The following ZSCAN5A variants were observed in gnomAD, a reference collection of about 807,000 sequenced individuals.
ZSCAN5A encodes the protein zinc finger and SCAN domain-containing protein 5A.
ZSCAN5A carries 12 observed loss-of-function variants against 23.7 expected under a neutral mutation model. That is an observed-to-expected ratio of 0.51 (90% CI 0.32 to 0.82). The LOEUF (loss-of-function observed/expected upper bound fraction) is 0.82. ZSCAN5A is among the 40% of genes least tolerant of loss of function. ZSCAN5A has a pLI of 0.03. For missense variants in ZSCAN5A, 597 were observed against 617.9 expected (o/e 0.97, Z 0.36); for synonymous variants, 257 against 239.9 (o/e 1.07, Z -0.66).
intron 2 of ZSCAN5A, chr19:56,246,807 T>C: frequency 1.9e-6 from 3 of 1,610,780 alleles, no homozygotes; most frequent in Non-Finnish European, 2.5e-6. Flanking sequence ...CTGACACACC[T>C]TCTGCCTGCG....
chr19:56,309,563 T>G (rs1380530683), intron 2 of ZSCAN5A, among the ~76,000 whole-genome samples: 3 of 152,192 alleles, frequency 2.0e-5, no homozygotes, highest in Non-Finnish European at 4.4e-5. Flanking sequence ...CCTGCTCACA[T>G]AGACTGTGAG....
At chr19:56,291,833 G>A (rs1330621672) in intron 2 of ZSCAN5A, among the ~76,000 whole-genome samples, 5 of 151,898 alleles carry the variant, frequency 3.3e-5, no homozygotes. Context: ...ATCCCTCCTC[G>A]AATCAGGCAT....
At chr19:56,321,741 T>G in intron 2 of ZSCAN5A, 1 of 1,322,568 alleles carries the variant, frequency 7.6e-7, no homozygotes, top group Non-Finnish European at 1.1e-6. Flanking sequence ...ACATAACTGC[T>G]TTTCAGGCAA....
intron 2 of ZSCAN5A, among the ~76,000 whole-genome samples, chr19:56,333,346 AT>A (rs901449502): frequency 5.9e-4 from 88 of 148,524 alleles, no homozygotes; most frequent in Middle Eastern, 3.5e-3. Context: ...CAAAGACTTT[AT>A]TTTTTTTTTA....
chr19:56,244,491 T>C, intron 2 of ZSCAN5A: 1 of 1,504,960 alleles, frequency 6.6e-7, no homozygotes. Flanking sequence ...ACGGTGCAGC[T>C]GGACTCGAGA....
rs2033688560 is a variant in ZSCAN5A at position 56,224,461 on chromosome 19, G to A, written c.384+202C>T. The A allele has an allele frequency of 3.8e-6, 3 of 780,280 alleles. No homozygotes were observed. In the South Asian group the frequency reaches 6.7e-5, roughly 17 times the overall value. 48.3% of individuals were successfully genotyped at this position (780,280 alleles called of 1,614,324 possible). On this transcript the variant is annotated intron_variant, in intron 3 of 5. Coordinates refer to ENST00000683990, the MANE Select transcript of ZSCAN5A (RefSeq NM_001322064.3). ...TCATGATGGGTTGTCCTGAGCGTTA[G>A]AGAACGCTTAGCAGCGTCTCCTGTC... is the stretch of plus-strand genomic sequence containing the variant.
rs991526174 is a variant in ZSCAN5A at position 56,309,551 on chromosome 19, C to T, written c.-128+3732G>A. Reference sequence around the variant, plus strand: ...GGCCCTGCGGAACACAGTTTGAGGGCCCCTGCTCACATAGACTGTGAGCCC... The same window carrying T: ...GGCCCTGCGGAACACAGTTTGAGGGTCCCTGCTCACATAGACTGTGAGCCC... On this transcript the variant is annotated intron_variant, in intron 2 of 5. Transcript: ENST00000683990. Among the ~76,000 whole-genome samples the T allele has an allele frequency of 3.9e-5, 6 of 152,212 alleles. No individual in the cohort carries two copies. In the East Asian group the frequency reaches 9.6e-4, roughly 24 times the overall value.
chr19:56,222,513 G>T, intron 5 of ZSCAN5A, 78 bp downstream of exon 5: 1 of 1,570,108 alleles, frequency 6.4e-7, no homozygotes, highest in South Asian at 1.2e-5. Flanking sequence ...TCCCCCAGGG[G>T]ATGATAATGC....
At chr19:56,323,298 T>G (rs981722331) in intron 2 of ZSCAN5A, among the ~76,000 whole-genome samples, 1 of 152,068 alleles carries the variant, frequency 6.6e-6, no homozygotes, top group African/African-American at 2.4e-5. Context: ...CAGGCTCAAG[T>G]GATCCTCCCA....
chr19:56,224,070 A>G (rs1315409656), intron 3 of ZSCAN5A, among the ~76,000 whole-genome samples: 1 of 151,676 alleles, frequency 6.6e-6, no homozygotes, highest in Non-Finnish European at 1.5e-5. Context: ...TGGGTCCTTT[A>G]GATGAAATAG....
chr19:56,337,712 A>G (rs1334937136), intron 2 of ZSCAN5A, among the ~76,000 whole-genome samples: 24 of 152,152 alleles, frequency 1.6e-4, no homozygotes, highest in Admixed American at 1.4e-3. Context: ...AGCTGTTCCT[A>G]TTCAGCCATC....
chr19:56,241,418 T>C (rs1167955119), intron 2 of ZSCAN5A, among the ~76,000 whole-genome samples: 2 of 152,170 alleles, frequency 1.3e-5, no homozygotes, highest in African/African-American at 2.4e-5. Flanking sequence ...CTTTTCTCTC[T>C]CATATTTGTA....
chr19:56,330,812 TA>T (rs1189889834), intron 2 of ZSCAN5A, among the ~76,000 whole-genome samples: 1 of 151,622 alleles, frequency 6.6e-6, no homozygotes, highest in East Asian at 1.9e-4. Context: ...GTTTGCTGTG[TA>T]ATTAGATCCA....
intron 2 of ZSCAN5A, among the ~76,000 whole-genome samples, chr19:56,305,313 A>G (rs1568731763): frequency 6.6e-6 from 1 of 152,186 alleles, no homozygotes; most frequent in Non-Finnish European, 1.5e-5. Flanking sequence ...TACTCTGGTC[A>G]TTTCATACAC....
At chr19:56,315,885 T>A (rs962183544), upstream of ZSCAN5A, 8 of 152,226 alleles carry the variant, frequency 5.3e-5, no homozygotes, top group Non-Finnish European at 8.8e-5. Context: ...CCTTCAAATG[T>A]CAGCGGCTTT....
chr19:56,327,587 T>C (rs1182474429), intron 2 of ZSCAN5A, among the ~76,000 whole-genome samples: 1 of 151,204 alleles, frequency 6.6e-6, no homozygotes, highest in East Asian at 1.9e-4. Context: ...ACAAATATCT[T>C]ATATGTATGA....
chr19:56,223,496 G>T, intron 4 of ZSCAN5A, 135 bp downstream of exon 4: 1 of 886,480 alleles, frequency 1.1e-6, no homozygotes, highest in Non-Finnish European at 1.7e-6. Flanking sequence ...ATGAATGTTT[G>T]GGGATGTATC....
intron 2 of ZSCAN5A, among the ~76,000 whole-genome samples, chr19:56,301,438 A>T (rs1346292302): frequency 6.6e-6 from 1 of 151,912 alleles, no homozygotes; most frequent in Non-Finnish European, 1.5e-5. Flanking sequence ...TATAATTAGT[A>T]TATAATGAGC....
intron 2 of ZSCAN5A, among the ~76,000 whole-genome samples, chr19:56,262,349 A>AT (rs1315779307): frequency 6.6e-6 from 1 of 151,302 alleles, no homozygotes; most frequent in Admixed American, 6.6e-5. Flanking sequence ...CCATAAATTA[A>AT]TTTTGACTAT....
Sources: allele counts gnomAD v4.1 joint callset (sites outside exome capture counted in the v4.1 genomes callset), GRCh38; gene constraint gnomAD v4.1.1; transcripts MANE v1.5; gene names NCBI Gene and HGNC (gene_info 2026-07-23, HGNC 2026-07-21).